CD46: variants seen among roughly 807,000 people sequenced by gnomAD.
CD46 encodes CD46 molecule.
Under a neutral mutation model 53.3 loss-of-function variants are expected in CD46, and 30 were observed. The ratio of observed to expected loss-of-function variants is 0.56; its 90% CI spans 0.42 to 0.76. CD46 has a LOEUF of 0.76. Ranked by LOEUF, CD46 falls within the 30% of genes least tolerant of loss-of-function variation. The pLI, the probability that CD46 is intolerant of heterozygous loss-of-function variation, is 0.00. For missense variants in CD46, 409 were observed against 463.0 expected, an observed-to-expected ratio of 0.88 and a Z score of 1.07; for synonymous variants, 142 against 152.0, an observed-to-expected ratio of 0.93 and a Z score of 0.48.
At chr1:207,774,461 C>T (rs1348966485) in intron 8 of CD46, among the ~76,000 whole-genome samples, 1 of 152,178 alleles carries the variant, frequency 6.6e-6, no homozygotes, top group Non-Finnish European at 1.5e-5. Context: ...TTAACTGATG[C>T]AGTTTCTTCA....
At chr1:207,768,033 T>C (rs1257291400) in intron 7 of CD46, 4 of 549,738 alleles carry the variant, frequency 7.3e-6, no homozygotes, top group East Asian at 3.3e-5. Flanking sequence ...CTTGGGAAAG[T>C]TGTATAAATT....
chr1:207,762,489 G>T (rs1656327383), intron 5 of CD46: 1 of 152,154 alleles, frequency 6.6e-6, no homozygotes, highest in Non-Finnish European at 1.5e-5. Flanking sequence ...GCTACTTGGA[G>T]ATCAATAAAG....
intron 12 of CD46, among the ~76,000 whole-genome samples, chr1:207,793,127 C>G (rs962033117): frequency 2.0e-5 from 3 of 152,190 alleles, no homozygotes; most frequent in African/African-American, 7.2e-5. Context: ...GCATCACATA[C>G]TTGAACAGTT....
intron 12 of CD46, among the ~76,000 whole-genome samples, chr1:207,791,567 GA>G (rs1178353491): frequency 4.6e-5 from 7 of 152,206 alleles, no homozygotes; most frequent in African/African-American, 1.4e-4. Context: ...GACAGTGTGA[GA>G]TTTCATCATG....
At chr1:207,793,445 A>AT in intron 12 of CD46, 74 bp from the exon 13 acceptor site, 2 of 1,124,652 alleles carry the variant, frequency 1.8e-6, no homozygotes, top group Non-Finnish European at 1.4e-6. Flanking sequence ...CATTTTCTGA[A>AT]TAGGCTTCTG....
intron 11 of CD46, among the ~76,000 whole-genome samples, chr1:207,789,530 T>C (rs1417899658): frequency 6.6e-6 from 1 of 152,174 alleles, no homozygotes; most frequent in East Asian, 1.9e-4. Context: ...GAAAGCATCC[T>C]TACAAAATTA....
intron 5 of CD46, among the ~76,000 whole-genome samples, chr1:207,763,955 C>CTTT (rs11345183): frequency 7.9e-6 from 1 of 126,594 alleles, no homozygotes; most frequent in African/African-American, 3.0e-5. Context: ...AGCTGCTACA[C>CTTT]TTTTTTTTTT....
chr1:207,784,523 G>T (rs543830339), intron 9 of CD46, among the ~76,000 whole-genome samples: 1 of 152,324 alleles, frequency 6.6e-6, no homozygotes, highest in South Asian at 2.1e-4. Flanking sequence ...CCTTAACCTG[G>T]AAACTGGTTA....
intron 7 of CD46, 137 bp downstream of exon 7, chr1:207,767,960 T>C: frequency 4.2e-6 from 3 of 719,584 alleles, no homozygotes; most frequent in Non-Finnish European, 7.4e-6. Flanking sequence ...ATAGCCATTT[T>C]AGTTGTTATA....
At chr1:207,763,990 G>T in intron 5 of CD46, among the ~76,000 whole-genome samples, 1 of 146,630 alleles carries the variant, frequency 6.8e-6, no homozygotes. Context: ...GAACATTTGT[G>T]CCATGTCTTC....
At chr1:207,770,457 G>A (rs1039416703) in intron 8 of CD46, 95 bp downstream of exon 8, 3 of 891,660 alleles carry the variant, frequency 3.4e-6, no homozygotes, top group African/African-American at 3.4e-5. Flanking sequence ...ACAGCGTGCA[G>A]GTTTGTTACA....
intron 8 of CD46, among the ~76,000 whole-genome samples, chr1:207,774,501 GT>G (rs1206994817): frequency 2.0e-5 from 3 of 152,208 alleles, no homozygotes; most frequent in Non-Finnish European, 4.4e-5. Flanking sequence ...CATTTGGTAT[GT>G]TTTTGCAGTG....
intron 5 of CD46, among the ~76,000 whole-genome samples, chr1:207,762,291 C>T (rs1181328847): frequency 3.9e-5 from 6 of 151,992 alleles, no homozygotes; most frequent in Admixed American, 3.9e-4. Flanking sequence ...GAATGTATAG[C>T]ATAATATACT....
chr1:207,770,041 C>CA (rs1657310239), intron 7 of CD46: 1 of 389,870 alleles, frequency 2.6e-6, no homozygotes, highest in Non-Finnish European at 4.8e-6. Context: ...GCTGGGATTA[C>CA]AGGCGTGAGC....
In CD46 at chr1:207,752,219, C is replaced by T. The variant is rs1571560430; in HGVS notation, c.7C>T (p.Pro3Ser). The stretch of plus-strand genomic sequence containing the variant: ...AGCGTCTTCCGCGCCGCGCATGGAG[C>T]CTCCCGGCCGCCGCGAGTGTCCCTT... ME[P>S]PGRRECPFPS... The change falls in exon 1 of 13, where the codon CCT becomes TCT. Residue 3 changes from proline to serine, a missense_variant. Transcript: ENST00000367042. This position sits in a 1 kb window ranked among gnomAD's most constrained non-coding sequence, Gnocchi z 4.1. The T allele has an allele frequency of 6.2e-7, 1 of 1,613,862 alleles. No homozygotes were observed. Among genetic ancestry groups the T allele is most frequent in the Middle Eastern group, 1.6e-4 (1 of 6,062 alleles).
intron 8 of CD46, among the ~76,000 whole-genome samples, chr1:207,779,524 C>G (rs1424462536): frequency 6.6e-6 from 1 of 152,056 alleles, no homozygotes; most frequent in Non-Finnish European, 1.5e-5. Flanking sequence ...TTTATATGTT[C>G]AGACGTTTTA....
rs923354967 is a variant in CD46 at position 207,794,711 on chromosome 1, T to C, written c.*1234T>C. On this transcript the variant is annotated 3_prime_UTR_variant, in exon 13 of 13. Coordinates refer to ENST00000367042, the MANE Select transcript of CD46 (RefSeq NM_172351.3). ...TACCAAGGGATGGAAGAAGTAAATA[T>C]AGCTCAGGTAGCACTTTATACTCAG... 2 of 152,224 alleles carry C rather than the reference T, an allele frequency of 1.3e-5. No individual in the cohort carries two copies. The highest frequency in any genetic ancestry group is 2.4e-5 in the African/African-American group (1 of 41,462). 9.4% of individuals were successfully genotyped at this position (152,224 alleles called of 1,614,324 possible).
intron 5 of CD46, chr1:207,762,515 C>T (rs2102568344): frequency 6.6e-6 from 1 of 152,228 alleles, no homozygotes; most frequent in African/African-American, 2.4e-5. Context: ...AAACCTGTAG[C>T]CAGACTGACA....
chr1:207,795,139 GGTGT>G lies in CD46; in HGVS notation c.*1663_*1666del, dbSNP rs1446057564. ...TCGCAATTACTAAGAAGCAGATAAT[GGTGT>G]TTTTTAGAAACCTAATTGAAGTATA... is the stretch of plus-strand genomic sequence containing the variant. On this transcript the variant is annotated 3_prime_UTR_variant, in exon 13 of 13. Transcript: ENST00000367042. 6.6e-6 allele frequency: 1 copy of G among 152,032 alleles called. No individual in the cohort carries two copies. The highest frequency in any genetic ancestry group is 2.4e-5 in the African/African-American group (1 of 41,398). 9.4% of individuals were successfully genotyped at this position (152,032 alleles called of 1,614,324 possible). A position where few individuals can be genotyped will look rare whatever the true frequency, so the allele number is the denominator to read the frequency against.
Sources: allele counts gnomAD v4.1 joint callset (sites outside exome capture counted in the v4.1 genomes callset), GRCh38; gene constraint gnomAD v4.1.1; non-coding constraint Gnocchi (gnomAD v3.1); transcripts MANE v1.5; gene names NCBI Gene and HGNC (gene_info 2026-07-23, HGNC 2026-07-21).